Variants in USH2A observed in about 807,000 individuals in gnomAD.
USH2A encodes the protein usherin, also known as Usher syndrome 2A (autosomal recessive, mild).
Under a neutral mutation model 538.9 loss-of-function variants are expected in USH2A, and 443 were observed. That is an observed-to-expected ratio of 0.82 (90% confidence interval 0.76 to 0.89). The LOEUF is 0.89. Among genes scored for constraint, USH2A ranks in the 40% least tolerant of loss-of-function variants. The pLI is 0.00. For synonymous variants in USH2A, 2,413 were observed against 2,273.5 expected (o/e 1.06, Z -1.75); for missense variants, 6,633 against 6,324.8 (o/e 1.05, Z -1.65).
At chr1:215,812,737 G>A (rs907816960) in intron 49 of USH2A, among the ~76,000 whole-genome samples, 3 of 152,084 alleles carry the variant, frequency 2.0e-5, no homozygotes, top group Non-Finnish European at 2.9e-5. Flanking sequence ...AATTACTTTT[G>A]TATTCTCAAT....
chr1:215,658,127 G>T (rs547199696), intron 64 of USH2A, among the ~76,000 whole-genome samples: 4 of 151,964 alleles, frequency 2.6e-5, no homozygotes, highest in East Asian at 1.9e-4. Context: ...AGTAGAGACG[G>T]TGTTTCACCA....
rs137913006 is a variant in USH2A, at chr1:215,641,436, C to G, written c.14792-702G>C. ...CTAAGTATTATATCACATATAGAAG[C>G]AACTTTGTGTGCATTTCACAGGCAC... On this transcript the variant is annotated intron_variant, in intron 67 of 71. Transcript: ENST00000307340. Among the ~76,000 whole-genome samples the G allele has an allele frequency of 5.5e-4, 83 of 152,232 alleles. 1 individual carries two copies. In the East Asian group the frequency reaches 0.016, roughly 29 times the overall value.
chr1:216,006,862 G>A (rs1043763248), intron 32 of USH2A, among the ~76,000 whole-genome samples: 2 of 152,090 alleles, frequency 1.3e-5, no homozygotes, highest in African/African-American at 4.8e-5. Context: ...CCCTGCTACC[G>A]ACCCTATATG....
chr1:215,981,305 A>T (rs894714869), intron 35 of USH2A, among the ~76,000 whole-genome samples: 3 of 152,202 alleles, frequency 2.0e-5, no homozygotes, highest in African/African-American at 7.2e-5. Flanking sequence ...TTCTGGATAC[A>T]GTTTTCTGAT....
chr1:216,237,789 G>A (rs1376508405), intron 13 of USH2A, among the ~76,000 whole-genome samples: 7 of 152,186 alleles, frequency 4.6e-5, no homozygotes, highest in Admixed American at 4.6e-4. Context: ...TTCTATGACA[G>A]AGAAATTTTT....
In USH2A at chr1:216,395,027, G is replaced by A. The variant is rs369071860; in HGVS notation, c.651+23487C>T. Among the ~76,000 whole-genome samples the A allele has an allele frequency of 1.8e-4, 27 of 152,128 alleles. No individual in the cohort carries two copies. The South Asian group carries it at 5.0e-3, about 28-fold the overall frequency. Reference sequence around the variant, plus strand: ...GCCACCGCGCCCAGCCGGTCCAGTCGTTTTTAACTCTAATCATCTGATGTC... The same window carrying A: ...GCCACCGCGCCCAGCCGGTCCAGTCATTTTTAACTCTAATCATCTGATGTC... On this transcript the variant is annotated intron_variant, in intron 3 of 71. Coordinates refer to ENST00000307340, the MANE Select transcript of USH2A (RefSeq NM_206933.4).
intron 37 of USH2A, among the ~76,000 whole-genome samples, chr1:215,951,446 C>T (rs1666908713): frequency 6.6e-6 from 1 of 152,166 alleles, no homozygotes. Flanking sequence ...TATTCTTTTA[C>T]ATTTGCTGAG....
chr1:216,308,408 CTT>C (rs34633319), intron 9 of USH2A, among the ~76,000 whole-genome samples: 1 of 151,396 alleles, frequency 6.6e-6, no homozygotes, highest in African/African-American at 2.4e-5. Context: ...TTATCACATT[CTT>C]TTTTTTTAGT....
At chr1:215,673,972 T>C (rs1571947560) in intron 63 of USH2A, 128 bp downstream of exon 63, 1 of 1,524,052 alleles carries the variant, frequency 6.6e-7, no homozygotes, top group Admixed American at 1.7e-5. Flanking sequence ...TATGCACGTT[T>C]AGGTGGATGG....
At chr1:216,354,183 T>C (rs1164045389) in intron 4 of USH2A, among the ~76,000 whole-genome samples, 1 of 152,120 alleles carries the variant, frequency 6.6e-6, no homozygotes, top group African/African-American at 2.4e-5. Flanking sequence ...TCAAGTCAGT[T>C]TGGTATTTTT....
chr1:216,411,993 A>ATTTGTG (rs1350710934), intron 3 of USH2A, among the ~76,000 whole-genome samples: 4 of 152,166 alleles, frequency 2.6e-5, no homozygotes, highest in African/African-American at 9.6e-5. Flanking sequence ...TACCACAATT[A>ATTTGTG]TAATTTTGCC....
chr1:216,233,454 T>G (rs1328682241), intron 13 of USH2A, among the ~76,000 whole-genome samples: 1 of 152,112 alleles, frequency 6.6e-6, no homozygotes, highest in East Asian at 1.9e-4. Flanking sequence ...CAATCTCATT[T>G]CCACCAAAAT....
intron 49 of USH2A, among the ~76,000 whole-genome samples, chr1:215,810,755 A>T (rs1285516623): frequency 6.6e-6 from 1 of 152,140 alleles, no homozygotes. Flanking sequence ...ACAGTATTTG[A>T]TCCATTGTTG....
chr1:215,952,279 C>T (rs1360982129), intron 37 of USH2A, among the ~76,000 whole-genome samples: 1 of 152,212 alleles, frequency 6.6e-6, no homozygotes, highest in African/African-American at 2.4e-5. Flanking sequence ...TGTGTCTCTG[C>T]ACGTGAGATG....
At chr1:215,851,533 T>C (rs1395813424) in intron 44 of USH2A, among the ~76,000 whole-genome samples, 1 of 152,010 alleles carries the variant, frequency 6.6e-6, no homozygotes, top group African/African-American at 2.4e-5. Context: ...AGCAGTGAGA[T>C]TGAAATGGTA....
chr1:215,627,384 CTTT>C, intron 71 of USH2A, among the ~76,000 whole-genome samples: 1 of 121,994 alleles, frequency 8.2e-6, no homozygotes, highest in Non-Finnish European at 1.8e-5. Flanking sequence ...TCCCTTCCTT[CTTT>C]CCTTCCTTCC....
intron 69 of USH2A, among the ~76,000 whole-genome samples, chr1:215,637,509 C>T (rs1236258560): frequency 6.6e-6 from 1 of 152,156 alleles, no homozygotes; most frequent in East Asian, 1.9e-4. Context: ...TGGATAAATT[C>T]CTGTGTCCCT....
At chr1:216,120,678 C>G (rs1463879239) in intron 21 of USH2A, among the ~76,000 whole-genome samples, 1 of 151,972 alleles carries the variant, frequency 6.6e-6, no homozygotes, top group Non-Finnish European at 1.5e-5. Context: ...CGCACCCGGC[C>G]TCGTCTCCAC....
At chr1:215,752,239 C>T (rs966045222) in intron 58 of USH2A, among the ~76,000 whole-genome samples, 2 of 152,104 alleles carry the variant, frequency 1.3e-5, no homozygotes, top group Admixed American at 6.6e-5. Flanking sequence ...TGTGGAGGCT[C>T]GCTCACCATT....
Sources: gnomAD v4.1 joint callset for allele counts (sites outside exome capture counted in the v4.1 genomes callset) on GRCh38, gnomAD v4.1.1 for gene constraint, MANE v1.5 for transcripts, NCBI Gene and HGNC (gene_info 2026-07-23, HGNC 2026-07-21) for gene names.